The following NKAIN2 variants were observed in gnomAD, a reference collection of about 807,000 sequenced individuals.
The protein encoded by NKAIN2 is sodium/potassium-transporting ATPase subunit beta-1-interacting protein 2.
NKAIN2 carries 14 observed loss-of-function variants against 32.6 expected under a neutral mutation model. The observed-to-expected ratio is 0.43, with a 90% confidence interval of 0.28 to 0.67. The LOEUF (loss-of-function observed/expected upper bound fraction) is 0.67, where lower values mean the gene tolerates loss of function less well. Among genes scored for constraint, NKAIN2 ranks in the 30% least tolerant of loss-of-function variants. The pLI is 0.17. For missense variants in NKAIN2, 198 were observed against 258.3 expected, an observed-to-expected ratio of 0.77 and a Z score of 1.60; for synonymous variants, 80 against 87.2, an observed-to-expected ratio of 0.92 and a Z score of 0.46.
intron 1 of NKAIN2, among the ~76,000 whole-genome samples, chr6:123,825,785 A>T (rs895522491): frequency 6.6e-6 from 1 of 152,154 alleles, no homozygotes; most frequent in African/African-American, 2.4e-5. Context: ...CCTTTGCTTT[A>T]AAAACAATGA....
chr6:123,892,865 A>G (rs1366427918), intron 1 of NKAIN2, among the ~76,000 whole-genome samples: 1 of 151,588 alleles, frequency 6.6e-6, no homozygotes, highest in Non-Finnish European at 1.5e-5. Context: ...TGAAGGTCAG[A>G]TGCCATATAC....
chr6:124,160,225 A>G (rs1015319793), intron 1 of NKAIN2, among the ~76,000 whole-genome samples: 1 of 152,174 alleles, frequency 6.6e-6, no homozygotes, highest in South Asian at 2.1e-4. Flanking sequence ...CCCTCGCTTT[A>G]TCTATACAGC....
At chr6:124,726,076 G>C (rs1262160478) in intron 4 of NKAIN2, among the ~76,000 whole-genome samples, 1 of 152,204 alleles carries the variant, frequency 6.6e-6, no homozygotes, top group African/African-American at 2.4e-5. Flanking sequence ...GAGTCTCGCT[G>C]ATTGCTAGCA....
chr6:123,958,037 G>T (rs1215894606), intron 1 of NKAIN2, among the ~76,000 whole-genome samples: 1 of 152,026 alleles, frequency 6.6e-6, no homozygotes, highest in Non-Finnish European at 1.5e-5. Flanking sequence ...GGGGGAGAAG[G>T]CATATTTGCT....
chr6:124,221,930 C>A (rs1791853491), intron 1 of NKAIN2, among the ~76,000 whole-genome samples: 1 of 152,174 alleles, frequency 6.6e-6, no homozygotes, highest in Non-Finnish European at 1.5e-5. Context: ...TATTATCTTT[C>A]TATCACAAAA....
chr6:124,586,886 G>T (rs1781731248), intron 3 of NKAIN2, among the ~76,000 whole-genome samples: 1 of 152,188 alleles, frequency 6.6e-6, no homozygotes, highest in Non-Finnish European at 1.5e-5. Flanking sequence ...CAGCAACATG[G>T]ATGTCTCTCA....
At chr6:124,747,101 C>G (rs138965772) in intron 4 of NKAIN2, among the ~76,000 whole-genome samples, 3 of 151,780 alleles carry the variant, frequency 2.0e-5, no homozygotes, top group East Asian at 1.9e-4. Context: ...TTCTCAAAAC[C>G]ATTTCAAAGA....
chr6:124,228,148 GTTT>G (rs1328905043), intron 1 of NKAIN2, among the ~76,000 whole-genome samples: 1 of 152,180 alleles, frequency 6.6e-6, no homozygotes, highest in Non-Finnish European at 1.5e-5. Context: ...TGGACTGAAT[GTTT>G]TTGGTTCCCC....
intron 3 of NKAIN2, among the ~76,000 whole-genome samples, chr6:124,549,588 C>T (rs1780215591): frequency 6.6e-6 from 1 of 152,188 alleles, no homozygotes; most frequent in South Asian, 2.1e-4. Context: ...GTTTTCACTA[C>T]TGCATTTTTC....
intron 3 of NKAIN2, among the ~76,000 whole-genome samples, chr6:124,606,452 A>G (rs944467745): frequency 2.0e-5 from 3 of 152,066 alleles, no homozygotes; most frequent in African/African-American, 7.2e-5. Flanking sequence ...CTTTAATAGT[A>G]TATATATTTT....
intron 3 of NKAIN2, among the ~76,000 whole-genome samples, chr6:124,356,587 C>T (rs1798991642): frequency 6.6e-6 from 1 of 152,082 alleles, no homozygotes; most frequent in Admixed American, 6.6e-5. Context: ...TTTTGCAGGG[C>T]ATCGTTCCCC....
intron 1 of NKAIN2, among the ~76,000 whole-genome samples, chr6:123,950,459 A>G (rs1405225665): frequency 6.6e-6 from 1 of 151,876 alleles, no homozygotes; most frequent in Non-Finnish European, 1.5e-5. Flanking sequence ...TTTATTTTTT[A>G]TTACTGACAG....
At chr6:124,218,276 C>T (rs551850169) in intron 1 of NKAIN2, among the ~76,000 whole-genome samples, 5 of 151,848 alleles carry the variant, frequency 3.3e-5, no homozygotes, top group East Asian at 1.9e-4. Context: ...TTGGCGCGTG[C>T]GTGGAGTATT....
intron 5 of NKAIN2, among the ~76,000 whole-genome samples, chr6:124,809,017 T>C (rs1054048662): frequency 1.3e-5 from 2 of 152,204 alleles, no homozygotes; most frequent in African/African-American, 4.8e-5. Context: ...TCCATGCTCA[T>C]GGGTAAGAAG....
chr6:124,637,542 CAT>C (rs746384099), intron 3 of NKAIN2, among the ~76,000 whole-genome samples: 63 of 152,074 alleles, frequency 4.1e-4, no homozygotes, highest in Non-Finnish European at 7.1e-4. Flanking sequence ...GATTCCACCA[CAT>C]GTCTCTTAGA....
Position 124,442,259 on chromosome 6 carries a change from A to G in NKAIN2, c.273+86912A>G, listed in dbSNP as rs139710350. Among the ~76,000 whole-genome samples the G allele has an allele frequency of 5.0e-3, 764 of 152,200 alleles. 7 individuals are homozygous for G. Among genetic ancestry groups the G allele is most frequent in the African/African-American group, 0.017 (700 of 41,550 alleles). On this transcript the variant is annotated intron_variant, in intron 3 of 6. Transcript: ENST00000368417. ...CAAAGTGGACAACCAGATGCATGAC[A>G]TGATAACCATTGGAGAATTGAAGAT...
chr6:123,883,696 G>A (rs1457059911), intron 1 of NKAIN2, among the ~76,000 whole-genome samples: 4 of 145,046 alleles, frequency 2.8e-5, no homozygotes, highest in African/African-American at 1.0e-4. Context: ...AAAAATTACC[G>A]GCCAGGCAAT....
At chr6:124,174,993 A>C (rs1486229099) in intron 1 of NKAIN2, among the ~76,000 whole-genome samples, 1 of 152,218 alleles carries the variant, frequency 6.6e-6, no homozygotes, top group East Asian at 1.9e-4. Flanking sequence ...TTTAATTCAC[A>C]GAATGATTCT....
chr6:124,678,123 G>T (rs7772356), intron 4 of NKAIN2, among the ~76,000 whole-genome samples: 97,970 of 151,850 alleles, frequency 0.65, 32,167 homozygotes, highest in African/African-American at 0.76. Flanking sequence ...CTCTTTTTTC[G>T]TGCTACTTTC....
Sources: allele counts gnomAD v4.1 joint callset (sites outside exome capture counted in the v4.1 genomes callset), GRCh38; gene constraint gnomAD v4.1.1; transcripts MANE v1.5; gene names NCBI Gene and HGNC (gene_info 2026-07-23, HGNC 2026-07-21).